Variants in RIPOR2 observed in about 807,000 individuals in gnomAD.
The protein encoded by RIPOR2 is RHO family interacting cell polarization regulator 2, also known as rho family-interacting cell polarization regulator 2.
A neutral mutation model predicts 114.5 loss-of-function variants in RIPOR2; 39 were observed. The observed-to-expected ratio is 0.34, with a 90% CI of 0.26 to 0.44. RIPOR2 has a LOEUF of 0.44. Among genes scored for constraint, RIPOR2 ranks in the 20% least tolerant of loss-of-function variants. The pLI is 1.00. For missense variants in RIPOR2, 1,007 were observed against 1,255.1 expected, an observed-to-expected ratio of 0.80 and a Z score of 2.99; for synonymous variants, 445 against 484.4, an observed-to-expected ratio of 0.92 and a Z score of 1.07.
intron 21 of RIPOR2, 64 bp downstream of exon 21, chr6:24,809,652 AT>A: frequency 2.8e-6 from 3 of 1,077,378 alleles, no homozygotes; most frequent in Non-Finnish European, 4.1e-6. Context: ...GAACATCTAA[AT>A]GGGAACATCC....
chr6:24,977,632 T>C (rs1774125600), intron 1 of RIPOR2, among the ~76,000 whole-genome samples: 1 of 152,126 alleles, frequency 6.6e-6, no homozygotes, highest in South Asian at 2.1e-4. Context: ...ATAATCTCGA[T>C]GGAAGGAAAA....
In RIPOR2 at chr6:24,848,052, C is replaced by T. The variant is rs778330695; in HGVS notation, c.1137G>A (p.Thr379=). Residue 379 remains threonine (T), a synonymous_variant, in exon 12 of 22, where the codon ACG becomes ACA. Transcript: ENST00000643898. ...AGAAGGAGTGGTCTTTGAAGGTGGG[C>T]GTTTCCGGGGTACCCTGGCTGTACA... ...MSMYSQGTPE[T]PTFKDHSFFS... is the part of the protein sequence containing the mutation. 8 of 1,613,812 alleles carry T rather than the reference C, an allele frequency of 5.0e-6. No individual in the cohort carries two copies. The East Asian group carries it at 1.1e-4, about 22-fold the overall frequency.
chr6:24,837,267 C>T (rs527336681), intron 14 of RIPOR2, among the ~76,000 whole-genome samples: 1 of 151,924 alleles, frequency 6.6e-6, no homozygotes, highest in Non-Finnish European at 1.5e-5. Context: ...GGACTACAGG[C>T]GTACACCACC....
At chr6:24,950,246 T>C (rs1192280160) in intron 1 of RIPOR2, among the ~76,000 whole-genome samples, 1 of 151,318 alleles carries the variant, frequency 6.6e-6, no homozygotes. Flanking sequence ...TATTATCTGA[T>C]AATAATAATC....
chr6:24,872,735 C>T (rs910892121), intron 4 of RIPOR2, 146 bp downstream of exon 4: 2 of 530,936 alleles, frequency 3.8e-6, no homozygotes, highest in South Asian at 3.0e-5. Context: ...CTTCTTTTTC[C>T]TTCTAAGACA....
chr6:25,017,680 G>A (rs1178187736), intron 1 of RIPOR2, among the ~76,000 whole-genome samples: 1 of 152,142 alleles, frequency 6.6e-6, no homozygotes, highest in Non-Finnish European at 1.5e-5. Flanking sequence ...ACGCCCAGAG[G>A]GCCAGGTTGT....
intron 1 of RIPOR2, among the ~76,000 whole-genome samples, chr6:24,919,249 C>G (rs1273521677): frequency 6.6e-6 from 1 of 152,230 alleles, no homozygotes; most frequent in Admixed American, 6.5e-5. Context: ...GCCAGGCTAG[C>G]AAGACTGCTG....
At chr6:25,004,549 G>C (rs969030560) in intron 1 of RIPOR2, among the ~76,000 whole-genome samples, 3 of 152,176 alleles carry the variant, frequency 2.0e-5, no homozygotes, top group African/African-American at 4.8e-5. Context: ...CCTGCAAACA[G>C]CACTGATTTG....
intron 1 of RIPOR2, among the ~76,000 whole-genome samples, chr6:24,974,659 C>A (rs1249372422): frequency 6.6e-6 from 1 of 152,080 alleles, no homozygotes; most frequent in African/African-American, 2.4e-5. Context: ...GTTATATACC[C>A]AAGAGAAATG....
intron 1 of RIPOR2, among the ~76,000 whole-genome samples, chr6:24,903,583 G>GTT (rs55805821): frequency 6.0e-5 from 9 of 150,828 alleles, no homozygotes; most frequent in South Asian, 2.1e-4. Flanking sequence ...CTTCTTTTTT[G>GTT]TTTTTTTTTA....
chr6:25,004,190 CACAA>C (rs1412509466), intron 1 of RIPOR2, among the ~76,000 whole-genome samples: 3 of 152,088 alleles, frequency 2.0e-5, no homozygotes, highest in Admixed American at 1.3e-4. Flanking sequence ...ACCTAACAAC[CACAA>C]TGATACCCAA....
chr6:24,952,697 C>T (rs6908148), intron 1 of RIPOR2, among the ~76,000 whole-genome samples: 10,893 of 152,208 alleles, frequency 0.072, 827 homozygotes, highest in African/African-American at 0.19. Flanking sequence ...AATTTTAAAT[C>T]ATGGCTGTTT....
chr6:24,928,449 G>C (rs1442929583), intron 1 of RIPOR2, among the ~76,000 whole-genome samples: 4 of 152,078 alleles, frequency 2.6e-5, no homozygotes, highest in African/African-American at 9.7e-5. Flanking sequence ...TCAATTTATA[G>C]AGAATAAAAA....
intron 1 of RIPOR2, among the ~76,000 whole-genome samples, chr6:25,022,994 T>C (rs1487613495): frequency 7.2e-6 from 1 of 139,496 alleles, no homozygotes; most frequent in Admixed American, 7.2e-5. Flanking sequence ...TTCAGAGCAG[T>C]CAATTTTTTT....
chr6:24,933,839 C>G (rs891939407), intron 1 of RIPOR2, among the ~76,000 whole-genome samples: 4 of 152,160 alleles, frequency 2.6e-5, no homozygotes, highest in Non-Finnish European at 5.9e-5. Flanking sequence ...TCAGAGCTAG[C>G]TGGTTACCTA....
chr6:24,825,481 G>T, intron 18 of RIPOR2, 53 bp from the exon 19 acceptor site: 3 of 1,277,582 alleles, frequency 2.3e-6, no homozygotes, highest in Non-Finnish European at 3.3e-6. Context: ...AAAGTAATCA[G>T]CTCATTACAA....
Position 25,024,552 on chromosome 6 carries a change from C to G in RIPOR2, c.76+17299G>C, listed in dbSNP as rs192855985. The G allele has an allele frequency of 3.2e-4, 183 of 573,586 alleles. 3 individuals carry two copies. The highest frequency in any genetic ancestry group is 3.5e-4 in the Non-Finnish European group (110 of 313,798). 35.5% of individuals were successfully genotyped at this position (573,586 alleles called of 1,614,324 possible). A position where few individuals can be genotyped will look rare whatever the true frequency, so the allele number is the denominator to read the frequency against. ...TGTCTTCAGGGTGCAGTGAACCACT[C>G]GGGCTCAGGCAGCAGTGGCAGGCGA... On this transcript the variant is annotated intron_variant, in intron 1 of 13. Transcript: ENST00000510784.
chr6:24,965,369 C>T (rs1158763630), intron 1 of RIPOR2, among the ~76,000 whole-genome samples: 2 of 152,132 alleles, frequency 1.3e-5, no homozygotes, highest in Non-Finnish European at 2.9e-5. Context: ...AACTCCTGGC[C>T]TCAAACAATC....
intron 21 of RIPOR2, among the ~76,000 whole-genome samples, chr6:24,808,369 G>C (rs1291217594): frequency 6.6e-6 from 1 of 152,212 alleles, no homozygotes; most frequent in Non-Finnish European, 1.5e-5. Context: ...GGATAAAGGA[G>C]TTTAAACTAA....
Sources: allele counts gnomAD v4.1 joint callset (sites outside exome capture counted in the v4.1 genomes callset), GRCh38; gene constraint gnomAD v4.1.1; transcripts MANE v1.5; gene names NCBI Gene and HGNC (gene_info 2026-07-23, HGNC 2026-07-21).